Variants in ZNF536 observed in about 807,000 individuals in gnomAD.
ZNF536 encodes the protein zinc finger protein 536.
ZNF536 carries 13 observed loss-of-function variants against 84.5 expected under a neutral mutation model. That is an observed-to-expected ratio of 0.15 (90% CI 0.10 to 0.24). ZNF536 has a LOEUF of 0.24. Ranked by LOEUF, ZNF536 falls within the 10% of genes least tolerant of loss-of-function variation. The probability of loss-of-function intolerance (pLI) is 1.00; values close to 1 mark genes in which losing one functional copy is unlikely to be tolerated. For synonymous variants in ZNF536, 811 were observed against 742.5 expected (o/e 1.09, Z -1.50); for missense variants, 1,536 against 1,747.5 (o/e 0.88, Z 2.16).
At chr19:30,399,876 C>A (rs1044035611) in intron 1 of ZNF536, among the ~76,000 whole-genome samples, 1 of 151,870 alleles carries the variant, frequency 6.6e-6, no homozygotes, top group African/African-American at 2.4e-5. Context: ...GTGGTAGAGA[C>A]GGGATTTCAC....
At chr19:30,602,777 C>A (rs996548232) in intron 1 of ZNF536, among the ~76,000 whole-genome samples, 1 of 152,098 alleles carries the variant, frequency 6.6e-6, no homozygotes, top group Non-Finnish European at 1.5e-5. Flanking sequence ...TGTGCAAAGG[C>A]GGAGAGGTGT....
chr19:30,459,210 G>T (rs2148402250), intron 2 of ZNF536, among the ~76,000 whole-genome samples: 1 of 151,262 alleles, frequency 6.6e-6, no homozygotes, highest in South Asian at 2.1e-4. Flanking sequence ...CAGGGGAGTG[G>T]TTGGTTTTTC....
intron 2 of ZNF536, among the ~76,000 whole-genome samples, chr19:30,287,332 TG>T (rs984551790): frequency 9.3e-6 from 1 of 107,090 alleles, no homozygotes; most frequent in African/African-American, 3.7e-5. Context: ...GATGGGTGGG[TG>T]GGTAGGTGGG....
chr19:30,554,589 G>A (rs980646616), intron 4 of ZNF536: 4 of 152,148 alleles, frequency 2.6e-5, no homozygotes, highest in Non-Finnish European at 5.9e-5. Context: ...TCAGTCTAAA[G>A]CAACAGGCAG....
At chr19:30,613,513 G>A (rs1178506909) in intron 1 of ZNF536, among the ~76,000 whole-genome samples, 1 of 151,444 alleles carries the variant, frequency 6.6e-6, no homozygotes, top group East Asian at 1.9e-4. Context: ...TTATTTGATG[G>A]GTTATAAATC....
chr19:30,462,110 G>A (rs1375315722), intron 2 of ZNF536, among the ~76,000 whole-genome samples: 1 of 152,164 alleles, frequency 6.6e-6, no homozygotes, highest in Non-Finnish European at 1.5e-5. Context: ...TTGTTGTTGT[G>A]GGCACAGAGG....
chr19:30,443,501 G>C (rs1205477846), intron 1 of ZNF536, 60 bp from the exon 2 acceptor site: 2 of 1,496,296 alleles, frequency 1.3e-6, no homozygotes, highest in Non-Finnish European at 1.8e-6. Flanking sequence ...CGCCAATGCT[G>C]TTGATTCATG....
chr19:30,516,007 A>G (rs190253802), intron 2 of ZNF536, among the ~76,000 whole-genome samples: 106 of 145,888 alleles, frequency 7.3e-4, no homozygotes, highest in Admixed American at 2.2e-3. Context: ...AGCCTGGGTG[A>G]CAGAGTGAGA....
At chr19:30,394,950 G>A (rs1450838108) in intron 1 of ZNF536, among the ~76,000 whole-genome samples, 1 of 152,154 alleles carries the variant, frequency 6.6e-6, no homozygotes, top group Non-Finnish European at 1.5e-5. Context: ...TGGTTTCGGA[G>A]TCTTGCACAT....
chr19:30,623,057 A>C (rs1253843950), intron 1 of ZNF536, among the ~76,000 whole-genome samples: 1 of 81,718 alleles, frequency 1.2e-5, no homozygotes, highest in African/African-American at 5.9e-5. Context: ...TGTTTTTTTG[A>C]GATGGGATCT....
At chr19:30,497,014 C>G (rs1156633923) in intron 2 of ZNF536, among the ~76,000 whole-genome samples, 1 of 152,164 alleles carries the variant, frequency 6.6e-6, no homozygotes, top group Non-Finnish European at 1.5e-5. Context: ...CAGTGTGATG[C>G]TCTTTACAAG....
At chr19:30,515,081 T>C (rs2145596914) in intron 2 of ZNF536, among the ~76,000 whole-genome samples, 1 of 152,066 alleles carries the variant, frequency 6.6e-6, no homozygotes, top group South Asian at 2.1e-4. Context: ...CAAGACCCCA[T>C]CTCTACAAAA....
intron 1 of ZNF536, chr19:30,436,557 G>A (rs1436576715): frequency 3.1e-6 from 3 of 962,878 alleles, no homozygotes; most frequent in Non-Finnish European, 3.7e-6. Context: ...TTGTAATAAT[G>A]TTTACAGCTG....
chr19:30,556,706 C>T (rs2045976036), intron 4 of ZNF536: 1 of 154,598 alleles, frequency 6.5e-6, no homozygotes, highest in African/African-American at 2.4e-5. Context: ...CCTTTTGCTG[C>T]ATATTTTTGG....
At chr19:30,250,774 A>G (rs1200741262) in intron 1 of ZNF536, among the ~76,000 whole-genome samples, 2 of 151,938 alleles carry the variant, frequency 1.3e-5, no homozygotes, top group Non-Finnish European at 1.5e-5. Context: ...AAAAGGCACC[A>G]TAAAGGCATA....
At chr19:30,339,654 G>T (rs1343504999) in intron 2 of ZNF536, among the ~76,000 whole-genome samples, 2 of 152,194 alleles carry the variant, frequency 1.3e-5, no homozygotes, top group Admixed American at 1.3e-4. Context: ...GAGGGTGAGG[G>T]TTGCCCTCTG....
intron 1 of ZNF536, among the ~76,000 whole-genome samples, chr19:30,431,552 A>G (rs2051459526): frequency 6.6e-6 from 1 of 152,218 alleles, no homozygotes; most frequent in African/African-American, 2.4e-5. Context: ...GCCCCCTTTG[A>G]TCACTCTTGC....
chr19:30,543,775 T>C (rs1332731247), intron 3 of ZNF536, among the ~76,000 whole-genome samples: 1 of 152,156 alleles, frequency 6.6e-6, no homozygotes, highest in Non-Finnish European at 1.5e-5. Context: ...ACGTTGTAAG[T>C]AGTTTGCCTC....
At chr19:30,703,458 AC>A (rs1206228437) in intron 1 of ZNF536, among the ~76,000 whole-genome samples, 2 of 152,182 alleles carry the variant, frequency 1.3e-5, no homozygotes, top group Non-Finnish European at 2.9e-5. Flanking sequence ...GGCCTCACCC[AC>A]ATCAAATTCT....
Sources: allele counts gnomAD v4.1 joint callset (sites outside exome capture counted in the v4.1 genomes callset), GRCh38; gene constraint gnomAD v4.1.1; transcripts MANE v1.5; gene names NCBI Gene and HGNC (gene_info 2026-07-23, HGNC 2026-07-21).